Variants in ANKS1A observed in about 807,000 individuals in gnomAD.
The protein encoded by ANKS1A is ankyrin repeat and sterile alpha motif domain containing 1A, also known as ankyrin repeat and SAM domain-containing protein 1A.
Under a neutral mutation model 120.3 loss-of-function variants are expected in ANKS1A, and 55 were observed. The ratio of observed to expected loss-of-function variants is 0.46; its 90% CI spans 0.37 to 0.57. The LOEUF (loss-of-function observed/expected upper bound fraction) is 0.57, where lower values mean the gene tolerates loss of function less well. Ranked by LOEUF, ANKS1A falls within the 20% of genes least tolerant of loss-of-function variation. ANKS1A has a pLI of 0.00. For missense variants in ANKS1A, 1,123 were observed against 1,480.3 expected (o/e 0.76, Z 3.96); for synonymous variants, 590 against 604.7 (o/e 0.98, Z 0.36).
intron 10 of ANKS1A, among the ~76,000 whole-genome samples, chr6:35,014,190 A>C (rs753664014): frequency 9.9e-5 from 15 of 152,114 alleles, no homozygotes; most frequent in Non-Finnish European, 1.8e-4. Context: ...GCCAAAAAAA[A>C]CTCATCTTGG....
At chr6:35,039,487 A>G in intron 11 of ANKS1A, 1 of 434,488 alleles carries the variant, frequency 2.3e-6, no homozygotes, top group Non-Finnish European at 4.6e-6. Context: ...GTGAGCCATC[A>G]CGCCCAGTCC....
chr6:35,005,632 A>G (rs1471851128), intron 10 of ANKS1A: 2 of 403,480 alleles, frequency 5.0e-6, no homozygotes, highest in East Asian at 1.4e-4. Flanking sequence ...AGTGAAAGAA[A>G]GAAAAGTAAA....
chr6:34,976,785 T>TGC (rs1771621414), intron 3 of ANKS1A, among the ~76,000 whole-genome samples: 1 of 149,798 alleles, frequency 6.7e-6, no homozygotes, highest in African/African-American at 2.5e-5. Context: ...TGCGTGTGTG[T>TGC]GTGTGTGTGT....
chr6:34,989,133 T>C, intron 8 of ANKS1A, 91 bp from the exon 9 acceptor site: 2 of 1,213,724 alleles, frequency 1.6e-6, no homozygotes, highest in Non-Finnish European at 2.3e-6. Context: ...ACATTATTTT[T>C]TTCATTTCTA....
At chr6:35,051,644 T>TA (rs1775972167) in intron 11 of ANKS1A, among the ~76,000 whole-genome samples, 1 of 152,174 alleles carries the variant, frequency 6.6e-6, no homozygotes, top group African/African-American at 2.4e-5. Flanking sequence ...ACAAGGCAAA[T>TA]AAAATACGCT....
At chr6:34,943,192 T>G (rs775281795) in intron 1 of ANKS1A, among the ~76,000 whole-genome samples, 6 of 152,172 alleles carry the variant, frequency 3.9e-5, no homozygotes, top group Non-Finnish European at 5.9e-5. Context: ...TGGGCTGAAG[T>G]GATCATTCTG....
chr6:34,990,577 T>A (rs2127534626), intron 9 of ANKS1A, among the ~76,000 whole-genome samples: 1 of 150,322 alleles, frequency 6.7e-6, no homozygotes, highest in Non-Finnish European at 1.5e-5. Flanking sequence ...CTTCTGCCCC[T>A]CTTTAACAAG....
rs957039391 is a variant in ANKS1A at position 34,982,920 on chromosome 6, T to TG, written c.808+94dup. The TG allele has an allele frequency of 6.7e-7, 1 of 1,482,830 alleles. No homozygotes were observed. Among genetic ancestry groups the TG allele is most frequent in the African/African-American group, 1.4e-5 (1 of 72,436 alleles). 91.9% of individuals were successfully genotyped at this position (1,482,830 alleles called of 1,614,324 possible). A position where few individuals can be genotyped will look rare whatever the true frequency, so the allele number is the denominator to read the frequency against. On this transcript the variant is annotated intron_variant, in intron 5 of 23. Transcript: ENST00000360359. The surrounding 1 kb of genome is among the most constrained non-coding windows in gnomAD (Gnocchi z 4.9). The stretch of plus-strand genomic sequence containing the variant: ...TAGGGGGATTTTTGCTGGCTGTGTT[T>TG]GAACTCAATGTATGTGTATCTCCAC...
At chr6:35,075,415 CTTTTTTTTTT>C (rs747359283) in intron 13 of ANKS1A, among the ~76,000 whole-genome samples, 1 of 129,892 alleles carries the variant, frequency 7.7e-6, no homozygotes, top group Non-Finnish European at 1.6e-5. Context: ...GGTTAATTTT[CTTTTTTTTTT>C]TTTTTTTTGA....
At chr6:34,913,622 G>T (rs1017543080) in intron 1 of ANKS1A, among the ~76,000 whole-genome samples, 3 of 150,942 alleles carry the variant, frequency 2.0e-5, no homozygotes, top group Non-Finnish European at 4.4e-5. Context: ...AAAATAGTTT[G>T]TTGTTGTTGT....
intron 12 of ANKS1A, among the ~76,000 whole-genome samples, chr6:35,059,726 A>T (rs1389883269): frequency 6.6e-6 from 1 of 152,164 alleles, no homozygotes; most frequent in Non-Finnish European, 1.5e-5. Flanking sequence ...GTGGGCACTT[A>T]GGAGCTCCCT....
chr6:34,970,248 T>G, intron 3 of ANKS1A, 82 bp downstream of exon 3: 1 of 1,446,432 alleles, frequency 6.9e-7, no homozygotes, highest in Admixed American at 2.5e-5. Context: ...GCCCCATAGT[T>G]CAAATCTCAG....
rs768779682 is a variant in ANKS1A, at chr6:35,050,571, T to C, written c.2011-3528T>C. ...ATGAAGTGTATAGATCAGAATGATA[T>C]CTGCTGTGTCTGAACGCTCTTCTTT... On this transcript the variant is annotated intron_variant, in intron 11 of 23. Coordinates refer to ENST00000360359, the MANE Select transcript of ANKS1A (RefSeq NM_015245.3). This position sits in a 1 kb window ranked among gnomAD's most constrained non-coding sequence, Gnocchi z 4.3. Among the ~76,000 whole-genome samples the C allele has an allele frequency of 6.6e-6, 1 of 152,188 alleles. No homozygotes were observed. The highest frequency in any genetic ancestry group is 6.5e-5 in the Admixed American group (1 of 15,284).
At chr6:34,958,709 C>T (rs1005247226) in intron 1 of ANKS1A, among the ~76,000 whole-genome samples, 5 of 152,196 alleles carry the variant, frequency 3.3e-5, no homozygotes, top group Admixed American at 1.3e-4. Flanking sequence ...TCCAGCCACT[C>T]GTAGTTACTT....
At chr6:35,037,066 A>G (rs996953654) in intron 11 of ANKS1A, among the ~76,000 whole-genome samples, 1 of 152,262 alleles carries the variant, frequency 6.6e-6, no homozygotes, top group Non-Finnish European at 1.5e-5. Context: ...ATGGGATTAC[A>G]TAACACTAGC....
intron 1 of ANKS1A, among the ~76,000 whole-genome samples, chr6:34,951,706 T>C (rs1770100736): frequency 6.6e-6 from 1 of 152,328 alleles, no homozygotes; most frequent in South Asian, 2.1e-4. Flanking sequence ...AAAATAATCA[T>C]CTTAAATAAT....
At chr6:35,023,256 A>G (rs1774439023) in intron 11 of ANKS1A, among the ~76,000 whole-genome samples, 1 of 152,054 alleles carries the variant, frequency 6.6e-6, no homozygotes, top group Non-Finnish European at 1.5e-5. Context: ...AAATAATCCC[A>G]TTACTAAGTT....
intron 11 of ANKS1A, 27 bp from the exon 12 acceptor site, chr6:35,054,072 T>TA (rs1561941699): frequency 6.2e-7 from 1 of 1,607,040 alleles, no homozygotes; most frequent in Non-Finnish European, 8.5e-7. Context: ...TGACTGCCTC[T>TA]CCTCTTTGTT....
At chr6:34,984,579 G>T (rs1772082902) in intron 7 of ANKS1A, among the ~76,000 whole-genome samples, 1 of 152,144 alleles carries the variant, frequency 6.6e-6, no homozygotes, top group Non-Finnish European at 1.5e-5. Context: ...CTAATAGTTG[G>T]TAACTTTGCA....
Sources: gnomAD v4.1 joint callset for allele counts (sites outside exome capture counted in the v4.1 genomes callset) on GRCh38, gnomAD v4.1.1 for gene constraint, Gnocchi (gnomAD v3.1) non-coding constraint, MANE v1.5 for transcripts, NCBI Gene and HGNC (gene_info 2026-07-23, HGNC 2026-07-21) for gene names.